RNF227: variants seen among roughly 807,000 people sequenced by gnomAD.
RNF227 encodes the protein ring finger protein 227.
In RNF227, 8 loss-of-function variants were observed where a neutral mutation model predicts 4.9. That is an observed-to-expected ratio of 1.65 (90% CI 0.97 to 2.98). The LOEUF is 2.98. RNF227 is among the 30% of genes most tolerant of loss of function. The pLI, the probability that RNF227 is intolerant of heterozygous loss-of-function variation, is 0.00. For missense variants in RNF227, 136 were observed against 65.4 expected (o/e 2.08, Z -3.72); for synonymous variants, 63 against 28.1 (o/e 2.25, Z -3.94).
In RNF227 at chr17:7,915,956, G is replaced by A. The variant is rs1307621685; in HGVS notation, c.240C>T (p.Cys80=). 1 of 660,322 alleles carries A rather than the reference G, an allele frequency of 1.5e-6. No homozygotes were observed. Among genetic ancestry groups the A allele is most frequent in the Admixed American group, 2.1e-5 (1 of 47,878 alleles). 40.9% of individuals were successfully genotyped at this position (660,322 alleles called of 1,614,324 possible). Residue 80 remains cysteine (C), a synonymous_variant, in exon 1 of 2, where the codon TGC becomes TGT. Coordinates refer to ENST00000324348, the MANE Select transcript of RNF227 (RefSeq NM_001358699.2). The part of the protein sequence containing the change: ...RLRRVVTCPF[C]RAPSQLPRGG... ...CGCGAGGGAGCTGCGAGGGCGCGCG[G>A]CAGAAGGGGCACGTGACCACGCGGC...
rs1480082132 is a variant in RNF227 at position 7,916,134 on chromosome 17, C to A, written c.62G>T (p.Cys21Phe). ...GCACCCGAGGTTGAAAGGACGGTAG[C>A]AGATGTTGCAGTCCAGCTCGCCCCG... is the stretch of plus-strand genomic sequence containing the variant. ...PERGELDCNI[C>F]YRPFNLGCRA... Residue 21 changes from cysteine to phenylalanine, a missense_variant, in exon 1 of 2, where the codon TGC (cysteine) becomes TTC (phenylalanine). Cys to Phe is a radical substitution (Grantham distance 205, BLOSUM62 -2). Transcript: ENST00000324348. 27 of 397,114 alleles carry A rather than the reference C, an allele frequency of 6.8e-5. No individual in the cohort carries two copies. Among genetic ancestry groups the A allele is most frequent in the Non-Finnish European group, 4.4e-6 (1 of 225,212 alleles). The allele number at this position is 397,114 out of a possible 1,614,324, so 24.6% of individuals were successfully genotyped here.
Position 7,916,115 on chromosome 17 carries a change from G to C in RNF227, c.81C>G (p.Leu27=), listed in dbSNP as rs1224506598. 3 of 395,700 alleles carry C rather than the reference G, an allele frequency of 7.6e-6. No homozygotes were observed. Among genetic ancestry groups the C allele is most frequent in the Non-Finnish European group, 1.3e-5 (3 of 224,274 alleles). 24.5% of individuals were successfully genotyped at this position (395,700 alleles called of 1,614,324 possible). ...DCNICYRPFN[L]GCRAPRRLPG... is the part of the protein sequence containing the mutation. ...GCAGGCGGCGGGGCGCGCGGCACCC[G>C]AGGTTGAAAGGACGGTAGCAGATGT... Residue 27 remains leucine, a synonymous_variant, in exon 1 of 2, where the codon CTC becomes CTG. Transcript: ENST00000324348.
chr17:7,915,654 G>A, intron 1 of RNF227, 25 bp downstream of exon 1: 1 of 702,448 alleles, frequency 1.4e-6, no homozygotes, highest in Middle Eastern at 2.3e-4. Flanking sequence ...TCTCTCCCCT[G>A]CATCCTCCCC....
Position 7,915,801 on chromosome 17 carries a change from T to A in RNF227, c.395A>T (p.Glu132Val). 1.4e-6 allele frequency: 1 copy of A among 702,654 alleles called. No homozygotes were observed. The highest frequency in any genetic ancestry group is 2.6e-6 in the Non-Finnish European group (1 of 384,736). The allele number at this position is 702,654 out of a possible 1,614,324, so 43.5% of individuals were successfully genotyped here. Residue 132 changes from glutamate to valine, a missense_variant, in exon 1 of 2, where the codon GAG (glutamate) becomes GTG (valine). By Grantham distance (121) the Glu-to-Val change is moderately radical (BLOSUM62 -2). Transcript: ENST00000324348. ...KESSDADGEA[E>V]EEGESEKGAG... ...CCCCTTCTCGCTCTCCCCTTCTTCC[T>A]CCGCCTCTCCGTCAGCGTCGCTGCT...
At position 7,915,913 on chromosome 17, in the gene RNF227, C is replaced by G; in HGVS notation, c.283G>C (p.Ala95Pro). 1 of 700,486 alleles carries G rather than the reference C, an allele frequency of 1.4e-6. No individual in the cohort carries two copies. 43.4% of individuals were successfully genotyped at this position (700,486 alleles called of 1,614,324 possible). ...QLPRGGLTEMALDSDLWSRLE... is the reference protein window; with the variant it reads ...QLPRGGLTEMPLDSDLWSRLE... ...CGCGACCACAAGTCCGAGTCAAGAGCCATCTCCGTGAGGCCGCCGCGAGGG... is the reference window on the plus strand; with the variant it reads ...CGCGACCACAAGTCCGAGTCAAGAGGCATCTCCGTGAGGCCGCCGCGAGGG... Residue 95 changes from alanine (A) to proline (P), a missense_variant, in exon 1 of 2, where the codon GCT (alanine) becomes CCT (proline). Ala to Pro is a conservative substitution (Grantham distance 27). Coordinates refer to ENST00000324348, the MANE Select transcript of RNF227 (RefSeq NM_001358699.2).
At position 7,916,211 on chromosome 17, in the gene RNF227, C is replaced by T. The variant is rs2151710293; in HGVS notation, c.-16G>A. ...AGAGCTGCATCGTGCCCGCCGCGGA[C>T]TCGAGGACGTCGCTAACGCGGCCAG... On this transcript the variant is annotated 5_prime_UTR_variant, in exon 1 of 2. Coordinates refer to ENST00000324348, the MANE Select transcript of RNF227 (RefSeq NM_001358699.2). The T allele has an allele frequency of 2.6e-6, 1 of 391,004 alleles. No homozygotes were observed. The highest frequency in any genetic ancestry group is 3.6e-5 in the East Asian group (1 of 27,674). 24.2% of individuals were successfully genotyped at this position (391,004 alleles called of 1,614,324 possible). A position where few individuals can be genotyped will look rare whatever the true frequency, so the allele number is the denominator to read the frequency against.
chr17:7,916,035 T>A lies in RNF227; in HGVS notation c.161A>T (p.Glu54Val), dbSNP rs1367398458. 2 of 354,424 alleles carry A rather than the reference T, an allele frequency of 5.6e-6. No homozygotes were observed. The highest frequency in any genetic ancestry group is 2.6e-4 in the South Asian group (2 of 7,610). 22.0% of individuals were successfully genotyped at this position (354,424 alleles called of 1,614,324 possible). Reference sequence around the variant, plus strand: ...GCCGCCGTCCCCGCGCGCCGCCAGCTCGCGGAGGCAGGCGGTGCAGATCGT... The same window carrying A: ...GCCGCCGTCCCCGCGCGCCGCCAGCACGCGGAGGCAGGCGGTGCAGATCGT... ...GHTICTACLR[E>V]LAARGDGGGA... The change falls in exon 1 of 2, where the codon GAG becomes GTG. Residue 54 changes from glutamate to valine, a missense_variant. Glu to Val is a moderately radical substitution (Grantham distance 121, BLOSUM62 -2). Transcript: ENST00000324348.
At position 7,913,572 on chromosome 17, in the gene RNF227, G is replaced by A. The variant is rs1230304327; in HGVS notation, c.*1950C>T. ...AGAAAAAGGCCTCCCAAAAGAGGGA[G>A]CATTTAAGCTGAGATGTAAGGACAG... On this transcript the variant is annotated 3_prime_UTR_variant, in exon 2 of 2. Coordinates refer to ENST00000324348, the MANE Select transcript of RNF227 (RefSeq NM_001358699.2). The A allele has an allele frequency of 1.3e-5, 2 of 152,200 alleles. No homozygotes were observed. Among genetic ancestry groups the A allele is most frequent in the Non-Finnish European group, 2.9e-5 (2 of 68,030 alleles). 9.4% of individuals were successfully genotyped at this position (152,200 alleles called of 1,614,324 possible). A position where few individuals can be genotyped will look rare whatever the true frequency, so the allele number is the denominator to read the frequency against.
At position 7,914,826 on chromosome 17, in the gene RNF227, C is replaced by G. The variant is rs1971945428; in HGVS notation, c.*696G>C. ...TGTGTTCCCGTGACTGTAAAGATAA[C>G]ACAGATAATAGCAAAAGTTTGAAAT... is the stretch of plus-strand genomic sequence containing the variant. On this transcript the variant is annotated 3_prime_UTR_variant, in exon 2 of 2. Coordinates refer to ENST00000324348, the MANE Select transcript of RNF227 (RefSeq NM_001358699.2). 1.3e-5 allele frequency: 2 copies of G among 155,332 alleles called. No homozygotes were observed. Among genetic ancestry groups the G allele is most frequent in the Admixed American group, 1.3e-4 (2 of 15,686 alleles). 9.6% of individuals were successfully genotyped at this position (155,332 alleles called of 1,614,324 possible).
rs1598027542 is a variant in RNF227, at chr17:7,915,971, G to A, written c.225C>T (p.Val75=). 2.4e-5 allele frequency: 13 copies of A among 539,512 alleles called. No homozygotes were observed. In the East Asian group the frequency reaches 4.3e-4, roughly 18 times the overall value. 33.4% of individuals were successfully genotyped at this position (539,512 alleles called of 1,614,324 possible). A position where few individuals can be genotyped will look rare whatever the true frequency, so the allele number is the denominator to read the frequency against. ...AARVVRLRRV[V]TCPFCRAPSQ... is the part of the protein sequence containing the mutation. ...AGGGCGCGCGGCAGAAGGGGCACGT[G>A]ACCACGCGGCGCAGGCGCACCACGC... The change falls in exon 1 of 2, where the codon GTC becomes GTT. Residue 75 remains valine, a synonymous_variant. Coordinates refer to ENST00000324348, the MANE Select transcript of RNF227 (RefSeq NM_001358699.2).
rs889928888 is a variant in RNF227, at chr17:7,915,905, G to C, written c.291C>G (p.Asp97Glu). 4.3e-6 allele frequency: 3 copies of C among 701,756 alleles called. No individual in the cohort carries two copies. The highest frequency in any genetic ancestry group is 5.4e-5 in the East Asian group (2 of 37,238). The allele number at this position is 701,756 out of a possible 1,614,324, so 43.5% of individuals were successfully genotyped here. Reference protein sequence around the residue: ...PRGGLTEMALDSDLWSRLEEK... With the variant: ...PRGGLTEMALESDLWSRLEEK... ...CCTCCAATCGCGACCACAAGTCCGA[G>C]TCAAGAGCCATCTCCGTGAGGCCGC... The change falls in exon 1 of 2, where the codon GAC (aspartate) becomes GAG (glutamate). Residue 97 changes from aspartate (D) to glutamate (E), a missense_variant. Asp to Glu is a conservative substitution (Grantham distance 45). Transcript: ENST00000324348.
Position 7,916,283 on chromosome 17 carries a change from T to A in RNF227, c.-88A>T. The A allele has an allele frequency of 2.9e-6, 1 of 345,314 alleles. No individual in the cohort carries two copies. Among genetic ancestry groups the A allele is most frequent in the East Asian group, 4.1e-5 (1 of 24,504 alleles). The allele number at this position is 345,314 out of a possible 1,614,324, so 21.4% of individuals were successfully genotyped here. ...ACTCTCCTGGGGCCGGGTCGGGTCCTGGGGCCGGCGCCGCGGCCTCTTTCC... is the reference window on the plus strand; with the variant it reads ...ACTCTCCTGGGGCCGGGTCGGGTCCAGGGGCCGGCGCCGCGGCCTCTTTCC... On this transcript the variant is annotated 5_prime_UTR_variant, in exon 1 of 2. Transcript: ENST00000324348.
Position 7,915,189 on chromosome 17 carries a change from T to C in RNF227, c.*333A>G, listed in dbSNP as rs1971950180. 1 of 444,490 alleles carries C rather than the reference T, an allele frequency of 2.2e-6. No homozygotes were observed. The highest frequency in any genetic ancestry group is 2.0e-5 in the African/African-American group (1 of 49,822). 27.5% of individuals were successfully genotyped at this position (444,490 alleles called of 1,614,324 possible). A position where few individuals can be genotyped will look rare whatever the true frequency, so the allele number is the denominator to read the frequency against. ...GAATTGCTAAAATGGGACCTGTTGC[T>C]CCCACACACCAGAGCCACCCTGGAC... On this transcript the variant is annotated 3_prime_UTR_variant, in exon 2 of 2. Transcript: ENST00000324348.
intron 1 of RNF227, 46 bp downstream of exon 1, chr17:7,915,633 T>C (rs1202526650): frequency 2.8e-6 from 2 of 702,852 alleles, no homozygotes; most frequent in Non-Finnish European, 5.2e-6. Flanking sequence ...AACCTCGGTA[T>C]TCCTCGGCGC....
At position 7,914,776 on chromosome 17, in the gene RNF227, A is replaced by G. The variant is rs1401416295; in HGVS notation, c.*746T>C. On this transcript the variant is annotated 3_prime_UTR_variant, in exon 2 of 2. Transcript: ENST00000324348. ...AAATTTTAAAGACACTTAAAATTGT[A>G]TAAGTATCTTTTCAGTAGCGCTAGT... is the stretch of plus-strand genomic sequence containing the variant. 10 of 152,828 alleles carry G rather than the reference A, an allele frequency of 6.5e-5. No homozygotes were observed. The highest frequency in any genetic ancestry group is 9.6e-5 in the African/African-American group (4 of 41,576). 9.5% of individuals were successfully genotyped at this position (152,828 alleles called of 1,614,324 possible).
Position 7,913,706 on chromosome 17 carries a change from A to G in RNF227, c.*1816T>C, listed in dbSNP as rs988148001. On this transcript the variant is annotated 3_prime_UTR_variant, in exon 2 of 2. Transcript: ENST00000324348. ...TATTTTAAAAAGATTGGAGGCCTCT[A>G]AAAAATTGAGGTTAATAATAAGTTC... is the stretch of plus-strand genomic sequence containing the variant. 2 of 152,222 alleles carry G rather than the reference A, an allele frequency of 1.3e-5. No individual in the cohort carries two copies. Among genetic ancestry groups the G allele is most frequent in the African/African-American group, 4.8e-5 (2 of 41,458 alleles). 9.4% of individuals were successfully genotyped at this position (152,222 alleles called of 1,614,324 possible).
rs762757233 is a variant in RNF227 at position 7,915,962 on chromosome 17, G to A, written c.234C>T (p.Pro78=). 62 of 601,382 alleles carry A rather than the reference G, an allele frequency of 1.0e-4. No homozygotes were observed. The highest frequency in any genetic ancestry group is 1.8e-4 in the Non-Finnish European group (59 of 327,786). The allele number at this position is 601,382 out of a possible 1,614,324, so 37.3% of individuals were successfully genotyped here. The change falls in exon 1 of 2, where the codon CCC becomes CCT. Residue 78 remains proline, a synonymous_variant. Coordinates refer to ENST00000324348, the MANE Select transcript of RNF227 (RefSeq NM_001358699.2). ...GGAGCTGCGAGGGCGCGCGGCAGAA[G>A]GGGCACGTGACCACGCGGCGCAGGC... is the stretch of plus-strand genomic sequence containing the variant. ...VVRLRRVVTC[P]FCRAPSQLPR...
rs1241360023 is a variant in RNF227 at position 7,914,546 on chromosome 17, C to CAAAACA, written c.*970_*975dup. On this transcript the variant is annotated 3_prime_UTR_variant, in exon 2 of 2. Coordinates refer to ENST00000324348, the MANE Select transcript of RNF227 (RefSeq NM_001358699.2). ...TGGGCGACACAGTGAGACTCTGGCT[C>CAAAACA]AAAACAAAAACAAAAAAACAAAAAA... The CAAAACA allele has an allele frequency of 6.6e-6, 1 of 151,772 alleles. No homozygotes were observed. The highest frequency in any genetic ancestry group is 6.6e-5 in the Admixed American group (1 of 15,226). The allele number at this position is 151,772 out of a possible 1,614,324, so 9.4% of individuals were successfully genotyped here.
chr17:7,914,933 TGATACCTGCCCTA>T lies in RNF227; in HGVS notation c.*576_*588del. 5.9e-6 allele frequency: 1 copy of T among 169,718 alleles called. No individual in the cohort carries two copies. The highest frequency in any genetic ancestry group is 1.3e-4 in the South Asian group (1 of 7,886). The allele number at this position is 169,718 out of a possible 1,614,324, so 10.5% of individuals were successfully genotyped here. ...TCACATAAATGCCCTTTGGAATTTC[TGATACCTGCCCTA>T]GCAGGTTGAAGGGAGATTCTGAAAT... On this transcript the variant is annotated 3_prime_UTR_variant, in exon 2 of 2. Coordinates refer to ENST00000324348, the MANE Select transcript of RNF227 (RefSeq NM_001358699.2).
Sources: gnomAD v4.1 joint callset for allele counts on GRCh38, gnomAD v4.1.1 for gene constraint, MANE v1.5 for transcripts, NCBI Gene and HGNC (gene_info 2026-07-23, HGNC 2026-07-21) for gene names.